The following COPS4 variants were observed in gnomAD, a reference collection of about 807,000 sequenced individuals.
COPS4 encodes COP9 signalosome subunit 4.
In COPS4, 8 loss-of-function variants were observed where a neutral mutation model predicts 55.1. That is an observed-to-expected ratio of 0.15 (90% CI 0.09 to 0.26). The LOEUF is 0.26. Among genes scored for constraint, COPS4 ranks in the 10% least tolerant of loss-of-function variants. The pLI is 1.00. For synonymous variants in COPS4, 185 were observed against 165.7 expected (o/e 1.12, Z -0.90); for missense variants, 248 against 484.0 (o/e 0.51, Z 4.58).
chr4:83,061,372 C>T (rs1368827425), intron 6 of COPS4, among the ~76,000 whole-genome samples: 2 of 152,066 alleles, frequency 1.3e-5, no homozygotes, highest in South Asian at 2.1e-4. Context: ...ACTCCTAACC[C>T]TACAAGAATA....
At chr4:83,067,573 AGGC>A (rs1731321108) in intron 8 of COPS4, among the ~76,000 whole-genome samples, 1 of 143,712 alleles carries the variant, frequency 7.0e-6, no homozygotes, top group East Asian at 2.0e-4. Flanking sequence ...TATGTTGCCC[AGGC>A]TAGTCTTGAA....
chr4:83,035,352 C>T (rs1434195568), intron 1 of COPS4, 54 bp downstream of exon 1: 2 of 1,360,156 alleles, frequency 1.5e-6, no homozygotes, highest in East Asian at 6.1e-5. Context: ...AAAGCCACAG[C>T]CTTAATCTCC....
intron 6 of COPS4, among the ~76,000 whole-genome samples, chr4:83,057,871 G>A (rs1211572393): frequency 2.1e-5 from 3 of 144,434 alleles, no homozygotes; most frequent in Non-Finnish European, 3.0e-5. Context: ...GTAGTGAGCC[G>A]AGATCAGGCC....
At chr4:83,048,462 T>A (rs1730775457) in intron 2 of COPS4, among the ~76,000 whole-genome samples, 1 of 152,230 alleles carries the variant, frequency 6.6e-6, no homozygotes, top group African/African-American at 2.4e-5. Flanking sequence ...TTTTCTTTTT[T>A]AACTCCTTTT....
intron 9 of COPS4, 93 bp downstream of exon 9, chr4:83,068,615 A>C: frequency 1.3e-6 from 1 of 765,680 alleles, no homozygotes; most frequent in Non-Finnish European, 2.2e-6. Flanking sequence ...TTTGACTCAG[A>C]ATCTTACTAC....
intron 9 of COPS4, among the ~76,000 whole-genome samples, chr4:83,071,474 A>G (rs370139878): frequency 6.6e-6 from 1 of 151,810 alleles, no homozygotes; most frequent in African/African-American, 2.4e-5. Flanking sequence ...GCTGAGGTGC[A>G]GTGGTATGAT....
intron 1 of COPS4, chr4:83,035,702 A>C: frequency 5.7e-6 from 1 of 176,354 alleles, no homozygotes; most frequent in Non-Finnish European, 1.2e-5. Flanking sequence ...TGATTCAGAG[A>C]AATGTATATT....
chr4:83,057,939 AG>A (rs1457593305), intron 6 of COPS4, among the ~76,000 whole-genome samples: 20 of 150,596 alleles, frequency 1.3e-4, no homozygotes, highest in African/African-American at 4.6e-4. Context: ...AAAAAAAAAA[AG>A]AATAGTTAAA....
chr4:83,060,001 G>T (rs908667250), intron 6 of COPS4, among the ~76,000 whole-genome samples: 1 of 151,666 alleles, frequency 6.6e-6, no homozygotes, highest in Non-Finnish European at 1.5e-5. Context: ...GCACCCGGCC[G>T]AAACAGCTCC....
chr4:83,043,654 AAAGT>A (rs1236796092), intron 1 of COPS4, among the ~76,000 whole-genome samples: 4 of 152,008 alleles, frequency 2.6e-5, no homozygotes, highest in African/African-American at 9.7e-5. Context: ...AGAGGATATA[AAAGT>A]AAGAGATCTT....
At chr4:83,057,541 T>A in intron 6 of COPS4, 133 bp downstream of exon 6, 1 of 613,450 alleles carries the variant, frequency 1.6e-6, no homozygotes, top group Non-Finnish European at 2.6e-6. Context: ...ATGGTAAATG[T>A]AGTTTAAGTG....
At chr4:83,069,177 G>A (rs1278161967) in intron 9 of COPS4, among the ~76,000 whole-genome samples, 1 of 152,150 alleles carries the variant, frequency 6.6e-6, no homozygotes, top group African/African-American at 2.4e-5. Context: ...AGACAGGTAA[G>A]TGGATCCCTT....
At position 83,049,907 on chromosome 4, in the gene COPS4, A is replaced by G. The variant is rs1730849069; in HGVS notation, c.333A>G (p.Ala111=). The G allele has an allele frequency of 6.2e-7, 1 of 1,609,208 alleles. No homozygotes were observed. Among genetic ancestry groups the G allele is most frequent in the Non-Finnish European group, 8.5e-7 (1 of 1,178,234 alleles). Residue 111 remains alanine, a synonymous_variant, in exon 4 of 10, where the codon GCA becomes GCG. Transcript: ENST00000264389. ...TTGCTTCCATAAGACAGCATCTTGCATCTATATATGAGAAAGAAGAAGATT... is the reference window on the plus strand; with the variant it reads ...TTGCTTCCATAAGACAGCATCTTGCGTCTATATATGAGAAAGAAGAAGATT... The part of the protein sequence containing the change: ...EQVASIRQHL[A]SIYEKEEDWR...
rs1267239946 is a variant in COPS4, at chr4:83,074,262, GT to G, written c.1088-1034del. ...AAGACAGCCTCAGTCTTTTTTTGTT[GT>G]GGTTGAGGTTGTTGGGTTAGTCGGT... On this transcript the variant is annotated intron_variant, in intron 9 of 9. Transcript: ENST00000264389. Among the ~76,000 whole-genome samples the G allele has an allele frequency of 2.0e-5, 3 of 152,158 alleles. No individual in the cohort carries two copies. In the East Asian group the frequency reaches 5.8e-4, roughly 29 times the overall value.
At chr4:83,064,484 CTG>C (rs1731247170) in intron 7 of COPS4, among the ~76,000 whole-genome samples, 1 of 152,244 alleles carries the variant, frequency 6.6e-6, no homozygotes, top group South Asian at 2.1e-4. Flanking sequence ...AACTGAAACT[CTG>C]TACCTATTAA....
intron 6 of COPS4, among the ~76,000 whole-genome samples, chr4:83,059,947 C>T (rs1578715732): frequency 6.6e-6 from 1 of 152,026 alleles, no homozygotes; most frequent in Non-Finnish European, 1.5e-5. Context: ...GTGATCCGCC[C>T]TCCTCCGCCT....
intron 1 of COPS4, among the ~76,000 whole-genome samples, chr4:83,041,097 C>T (rs1341792309): frequency 6.9e-6 from 1 of 144,920 alleles, no homozygotes. Context: ...GAATCTCACT[C>T]TGTCGCCCAG....
intron 8 of COPS4, 29 bp downstream of exon 8, chr4:83,066,582 A>G: frequency 8.9e-7 from 1 of 1,118,472 alleles, no homozygotes; most frequent in South Asian, 1.5e-5. Flanking sequence ...TACATTTAAA[A>G]AAAAGTTAAG....
chr4:83,065,037 C>T (rs1406065186), intron 7 of COPS4: 1 of 689,808 alleles, frequency 1.4e-6, no homozygotes, highest in Non-Finnish European at 2.6e-6. Flanking sequence ...CCACACCCTG[C>T]TAATTTTTAA....
Sources: allele counts gnomAD v4.1 joint callset (sites outside exome capture counted in the v4.1 genomes callset), GRCh38; gene constraint gnomAD v4.1.1; transcripts MANE v1.5; gene names NCBI Gene and HGNC (gene_info 2026-07-23, HGNC 2026-07-21).